Variants in MCTP2 observed in about 807,000 individuals in gnomAD.
MCTP2 encodes multiple C2 and transmembrane domain-containing protein 2.
In MCTP2, 132 loss-of-function variants were observed where a neutral mutation model predicts 111.6. The observed-to-expected ratio is 1.18, with a 90% CI of 1.03 to 1.37. The LOEUF is 1.37. MCTP2 is among the 40% of genes most tolerant of loss of function. MCTP2 has a pLI of 0.00. For synonymous variants in MCTP2, 395 were observed against 387.7 expected (o/e 1.02, Z -0.22); for missense variants, 1,183 against 1,067.9 (o/e 1.11, Z -1.50).
At position 94,305,257 on chromosome 15, in the gene MCTP2, G is replaced by A. The variant is rs181918856; in HGVS notation, c.465+6527G>A. Among the ~76,000 whole-genome samples the A allele has an allele frequency of 8.5e-5, 13 of 152,328 alleles. No individual in the cohort carries two copies. In the East Asian group the frequency reaches 1.5e-3, roughly 18 times the overall value. ...TCCCCACCATGTGAGGACACAGTGA[G>A]AATGGAGTCATCTGCAAGGCAGGAA... On this transcript the variant is annotated intron_variant, in intron 2 of 22. Coordinates refer to ENST00000357742, the MANE Select transcript of MCTP2 (RefSeq NM_001385001.1).
At chr15:94,318,122 T>G (rs946600894) in intron 4 of MCTP2, among the ~76,000 whole-genome samples, 7 of 152,194 alleles carry the variant, frequency 4.6e-5, no homozygotes, top group Non-Finnish European at 1.0e-4. Flanking sequence ...TGGTTACTTT[T>G]GTCAAAAATG....
At chr15:94,356,595 A>T (rs1461715584) in intron 9 of MCTP2, among the ~76,000 whole-genome samples, 1 of 152,208 alleles carries the variant, frequency 6.6e-6, no homozygotes, top group East Asian at 1.9e-4. Flanking sequence ...TATGTTTCAT[A>T]GAATGTGGGA....
At chr15:94,271,314 T>G (rs1374322985) in intron 1 of MCTP2, among the ~76,000 whole-genome samples, 1 of 152,234 alleles carries the variant, frequency 6.6e-6, no homozygotes, top group East Asian at 1.9e-4. Flanking sequence ...TCCAATTATA[T>G]TATTCTCTCA....
At chr15:94,435,526 C>G (rs2083421954) in intron 17 of MCTP2, among the ~76,000 whole-genome samples, 1 of 150,990 alleles carries the variant, frequency 6.6e-6, no homozygotes, top group Non-Finnish European at 1.5e-5. Flanking sequence ...ATGGACTTTG[C>G]TGAATTTAGT....
At chr15:94,256,749 T>C (rs757568704) in intron 1 of MCTP2, among the ~76,000 whole-genome samples, 2 of 152,212 alleles carry the variant, frequency 1.3e-5, no homozygotes, top group Non-Finnish European at 2.9e-5. Context: ...AGATACGGTG[T>C]ATAGTTTTGT....
chr15:94,324,976 C>T (rs1369500552), intron 4 of MCTP2, among the ~76,000 whole-genome samples: 4 of 152,184 alleles, frequency 2.6e-5, no homozygotes, highest in African/African-American at 9.7e-5. Context: ...AGCTTCCCAA[C>T]AGGTGTGTTC....
intron 4 of MCTP2, among the ~76,000 whole-genome samples, chr15:94,329,514 G>A (rs2077039537): frequency 1.3e-5 from 2 of 152,158 alleles, no homozygotes; most frequent in South Asian, 4.1e-4. Flanking sequence ...CATGGTCAGA[G>A]CAGGAGCAAG....
chr15:94,397,863 T>C (rs2081358748), intron 14 of MCTP2, among the ~76,000 whole-genome samples: 1 of 152,210 alleles, frequency 6.6e-6, no homozygotes, highest in African/African-American at 2.4e-5. Flanking sequence ...CAAATAGAGC[T>C]TTTGATTAAC....
At chr15:94,440,619 C>T (rs1006733862) in intron 18 of MCTP2, among the ~76,000 whole-genome samples, 11 of 152,176 alleles carry the variant, frequency 7.2e-5, no homozygotes, top group African/African-American at 2.2e-4. Context: ...CAGTCACTAG[C>T]GAGAAACCTT....
intron 1 of MCTP2, among the ~76,000 whole-genome samples, chr15:94,245,511 C>CGT (rs1483415423): frequency 1.5e-5 from 2 of 136,254 alleles, no homozygotes; most frequent in African/African-American, 2.7e-5. Flanking sequence ...TATATGTATA[C>CGT]ATATATGTAT....
intron 16 of MCTP2, among the ~76,000 whole-genome samples, chr15:94,400,557 G>T (rs1346607907): frequency 2.7e-5 from 4 of 150,194 alleles, no homozygotes; most frequent in African/African-American, 9.8e-5. Flanking sequence ...TTCTCATTCA[G>T]TTCAACAAAA....
At chr15:94,348,082 T>A (rs1055428550) in intron 8 of MCTP2, among the ~76,000 whole-genome samples, 1 of 152,190 alleles carries the variant, frequency 6.6e-6, no homozygotes, top group African/African-American at 2.4e-5. Flanking sequence ...TATGTATTAA[T>A]ATGTCTGCTG....
chr15:94,482,547 G>GT lies in MCTP2; in HGVS notation c.*3517dup, dbSNP rs746652190. On this transcript the variant is annotated 3_prime_UTR_variant, in exon 23 of 23. Coordinates refer to ENST00000357742, the MANE Select transcript of MCTP2 (RefSeq NM_001385001.1). ...GCTGTGAGAGGACCACAGGAGTCCA[G>GT]TTTTAGCGCTGAATCTCAGGTGACT... 1 of 152,204 alleles carries GT rather than the reference G, an allele frequency of 6.6e-6. No homozygotes were observed. The highest frequency in any genetic ancestry group is 1.5e-5 in the Non-Finnish European group (1 of 68,044). The allele number at this position is 152,204 out of a possible 1,614,324, so 9.4% of individuals were successfully genotyped here.
intron 8 of MCTP2, 111 bp downstream of exon 8, chr15:94,345,275 C>A (rs1023221492): frequency 1.7e-5 from 18 of 1,081,628 alleles, no homozygotes; most frequent in Admixed American, 8.4e-5. Flanking sequence ...AAACAGAATT[C>A]TTTTCCTCTT....
At position 94,242,875 on chromosome 15, in the gene MCTP2, A is replaced by G. The variant is rs575842915; in HGVS notation, c.-66+11211A>G. Among the ~76,000 whole-genome samples, 20 of 150,272 alleles carry G rather than the reference A, an allele frequency of 1.3e-4. 1 individual carries two copies. Among genetic ancestry groups the G allele is most frequent in the Non-Finnish European group, 1.2e-4 (8 of 67,446 alleles). On this transcript the variant is annotated intron_variant, in intron 1 of 22. Coordinates refer to ENST00000357742, the MANE Select transcript of MCTP2 (RefSeq NM_001385001.1). ...GCCTGGCCACTTCTGGGGTTAGCTG[A>G]CAGTGTTTCCTAAATATATGTATAT...
At chr15:94,456,082 A>G (rs1271523519) in intron 19 of MCTP2, among the ~76,000 whole-genome samples, 2 of 152,240 alleles carry the variant, frequency 1.3e-5, no homozygotes, top group Non-Finnish European at 2.9e-5. Context: ...AAACCAAGTT[A>G]TCAGTCATCA....
intron 1 of MCTP2, among the ~76,000 whole-genome samples, chr15:94,285,436 G>C (rs1341793015): frequency 1.3e-5 from 2 of 152,204 alleles, no homozygotes; most frequent in East Asian, 3.8e-4. Context: ...CTGATGCCAG[G>C]TAAGGGCCAA....
At chr15:94,443,047 C>CA in intron 19 of MCTP2, 87 bp downstream of exon 19, 1 of 575,276 alleles carries the variant, frequency 1.7e-6, no homozygotes, top group Non-Finnish European at 2.7e-6. Flanking sequence ...TCTCTCCTCT[C>CA]TTTTTTTTTT....
rs1057415246 is a variant in MCTP2, at chr15:94,320,160, T to G, written c.637+4523T>G. 4.2e-4 allele frequency among the ~76,000 whole-genome samples: 49 copies of G among 115,308 alleles called. No individual in the cohort carries two copies. The South Asian group carries it at 0.013, about 31-fold the overall frequency. The allele number at this position is 115,308 out of a possible 152,430, so 75.6% of individuals were successfully genotyped here. On this transcript the variant is annotated intron_variant, in intron 4 of 22. Coordinates refer to ENST00000357742, the MANE Select transcript of MCTP2 (RefSeq NM_001385001.1). ...ATTAATCTTTTTTTTTTTTTTTTTTTGAGATGGAGTCTCGCTCTGTCGCCC... is the reference window on the plus strand; with the variant it reads ...ATTAATCTTTTTTTTTTTTTTTTTTGGAGATGGAGTCTCGCTCTGTCGCCC...
Sources: allele counts gnomAD v4.1 joint callset (sites outside exome capture counted in the v4.1 genomes callset), GRCh38; gene constraint gnomAD v4.1.1; transcripts MANE v1.5; gene names NCBI Gene and HGNC (gene_info 2026-07-23, HGNC 2026-07-21).